Variants in CNOT7 observed in about 807,000 individuals in gnomAD.
The protein encoded by CNOT7 is CCR4-NOT transcription complex subunit 7, also known as BTG1-binding factor 1.
In CNOT7, 4 loss-of-function variants were observed where a neutral mutation model predicts 37.1. The ratio of observed to expected loss-of-function variants is 0.11; its 90% CI spans 0.05 to 0.25. The LOEUF (loss-of-function observed/expected upper bound fraction) is 0.25. Among genes scored for constraint, CNOT7 ranks in the 10% least tolerant of loss-of-function variants. The pLI, the probability that CNOT7 is intolerant of heterozygous loss-of-function variation, is 1.00. For missense variants in CNOT7, 170 were observed against 336.2 expected (o/e 0.51, Z 3.87); for synonymous variants, 128 against 115.6 (o/e 1.11, Z -0.69).
Position 17,234,851 on chromosome 8 carries a change from G to A in CNOT7, c.483C>T (p.Asp161=). 1 of 1,613,666 alleles carries A rather than the reference G, an allele frequency of 6.2e-7. No homozygotes were observed. The highest frequency in any genetic ancestry group is 8.5e-7 in the Non-Finnish European group (1 of 1,179,798). The part of the protein sequence containing the change: ...VKWLSFHSGY[D]FGYLIKILTN... ...TTAGGATTTTGATTAAGTAGCCAAA[G>A]TCGTAACCGCTATAAAAGGGTTAAA... The change falls in exon 5 of 7, where the codon GAC becomes GAT. Residue 161 remains aspartate (D), a synonymous_variant. Coordinates refer to ENST00000361272, the MANE Select transcript of CNOT7 (RefSeq NM_013354.7).
Position 17,243,188 on chromosome 8 carries a change from G to A in CNOT7, c.118-3C>T, listed in dbSNP as rs1297213581. Reference sequence around the variant, plus strand: ...ACCACACCTGGAAACTCGGTGTCCTGTAAAATAGTTTTAAGATTCATTATG... The same window carrying A: ...ACCACACCTGGAAACTCGGTGTCCTATAAAATAGTTTTAAGATTCATTATG... On this transcript the variant is annotated splice_polypyrimidine_tract_variant and splice_region_variant and intron_variant, in intron 2 of 6. Transcript: ENST00000361272. 3.2e-6 allele frequency: 5 copies of A among 1,579,688 alleles called. No homozygotes were observed. The South Asian group carries it at 4.7e-5, about 15-fold the overall frequency.
chr8:17,232,856 A>T (rs1469118285), intron 5 of CNOT7, among the ~76,000 whole-genome samples: 2 of 152,172 alleles, frequency 1.3e-5, no homozygotes, highest in Admixed American at 1.3e-4. Context: ...TATCAAGTAC[A>T]CTCATAGTCT....
At chr8:17,231,551 C>G (rs1482820312) in intron 6 of CNOT7, 1 of 984,954 alleles carries the variant, frequency 1.0e-6, no homozygotes. Flanking sequence ...ATTATCAATA[C>G]ATTGCTACAA....
intron 2 of CNOT7, chr8:17,243,656 T>C (rs1317707765): frequency 2.2e-6 from 1 of 456,472 alleles, no homozygotes. Flanking sequence ...CTAATTTCTC[T>C]GGCTTAAACA....
chr8:17,230,698 A>C lies in CNOT7; in HGVS notation c.*22T>G. On this transcript the variant is annotated 3_prime_UTR_variant, in exon 7 of 7. Coordinates refer to ENST00000361272, the MANE Select transcript of CNOT7 (RefSeq NM_013354.7). ...ACAAGCATGTGTGTAGCTCGAAATA[A>C]AAATAAAAGGACTATTTCATGTCAT... The C allele has an allele frequency of 6.3e-7, 1 of 1,588,194 alleles. No homozygotes were observed. Among genetic ancestry groups the C allele is most frequent in the Non-Finnish European group, 8.5e-7 (1 of 1,170,330 alleles).
At position 17,239,946 on chromosome 8, in the gene CNOT7, C is replaced by T. The variant is rs117279620; in HGVS notation, c.312-2573G>A. 5.0e-4 allele frequency among the ~76,000 whole-genome samples: 76 copies of T among 152,274 alleles called. 1 individual carries two copies. In the East Asian group the frequency reaches 8.5e-3, roughly 17 times the overall value. ...ATTCAGTTTGGAGAGAATTCCCATA[C>T]GTTACAATTGTAATTCTTAGACTTA... On this transcript the variant is annotated intron_variant, in intron 3 of 6. Coordinates refer to ENST00000361272, the MANE Select transcript of CNOT7 (RefSeq NM_013354.7).
chr8:17,230,959 C>T, intron 6 of CNOT7, 111 bp from the exon 7 acceptor site: 1 of 742,330 alleles, frequency 1.3e-6, no homozygotes, highest in Non-Finnish European at 2.2e-6. Flanking sequence ...ATAATGATGG[C>T]TCTTTTCTAT....
chr8:17,242,418 G>C (rs1471934176), intron 3 of CNOT7: 1 of 152,182 alleles, frequency 6.6e-6, no homozygotes. Context: ...TGAAGACCCA[G>C]GGCTTGAGTT....
chr8:17,230,145 C>T lies in CNOT7; in HGVS notation c.*575G>A, dbSNP rs1247139197. 1 of 152,430 alleles carries T rather than the reference C, an allele frequency of 6.6e-6. No homozygotes were observed. The highest frequency in any genetic ancestry group is 1.5e-5 in the Non-Finnish European group (1 of 67,928). The allele number at this position is 152,430 out of a possible 1,614,324, so 9.4% of individuals were successfully genotyped here. ...AGTTTCTTGTCTTTTTTAAGTTTCG[C>T]TGAATCGACAGTTTGCACAACGTGC... On this transcript the variant is annotated 3_prime_UTR_variant, in exon 7 of 7. Coordinates refer to ENST00000361272, the MANE Select transcript of CNOT7 (RefSeq NM_013354.7).
intron 4 of CNOT7, among the ~76,000 whole-genome samples, chr8:17,235,689 C>G (rs1393802187): frequency 1.3e-5 from 2 of 152,166 alleles, no homozygotes; most frequent in African/African-American, 4.8e-5. Flanking sequence ...GCCTATATGA[C>G]ATTTGCTCAC....
At chr8:17,239,534 C>T (rs1809854039) in intron 3 of CNOT7, among the ~76,000 whole-genome samples, 1 of 152,198 alleles carries the variant, frequency 6.6e-6, no homozygotes, top group Non-Finnish European at 1.5e-5. Context: ...CTCACTCTGT[C>T]GCCCAGACTG....
At position 17,230,554 on chromosome 8, in the gene CNOT7, A is replaced by T; in HGVS notation, c.*166T>A. The T allele has an allele frequency of 1.2e-5, 5 of 422,674 alleles. No homozygotes were observed. The highest frequency in any genetic ancestry group is 4.1e-5 in the African/African-American group (2 of 48,252). 26.2% of individuals were successfully genotyped at this position (422,674 alleles called of 1,614,324 possible). On this transcript the variant is annotated 3_prime_UTR_variant, in exon 7 of 7. Transcript: ENST00000361272. ...CGTTTTTTTTTTTCTTTTTATTAAG[A>T]TCTGAGATAGGAACGGTCATACTTA...
intron 5 of CNOT7, among the ~76,000 whole-genome samples, chr8:17,234,120 T>C (rs1443473821): frequency 2.0e-5 from 3 of 152,176 alleles, no homozygotes; most frequent in Non-Finnish European, 4.4e-5. Flanking sequence ...AAAATGTTAC[T>C]ACTATCTAGG....
rs1808370067 is a variant in CNOT7, at chr8:17,229,465, T to C, written c.*1255A>G. Reference sequence around the variant, plus strand: ...TAACTTGTAGTCCATCATTTCGGGGTAGAGTTAATGATTACCGTAAAGTCT... The same window carrying C: ...TAACTTGTAGTCCATCATTTCGGGGCAGAGTTAATGATTACCGTAAAGTCT... On this transcript the variant is annotated 3_prime_UTR_variant, in exon 7 of 7. Coordinates refer to ENST00000361272, the MANE Select transcript of CNOT7 (RefSeq NM_013354.7). The C allele has an allele frequency of 6.6e-6, 1 of 152,134 alleles. No individual in the cohort carries two copies. The highest frequency in any genetic ancestry group is 1.5e-5 in the Non-Finnish European group (1 of 67,774). 9.4% of individuals were successfully genotyped at this position (152,134 alleles called of 1,614,324 possible). A position where few individuals can be genotyped will look rare whatever the true frequency, so the allele number is the denominator to read the frequency against.
chr8:17,231,739 G>A lies in CNOT7; in HGVS notation c.729+688C>T, dbSNP rs1044148536. 7 of 985,230 alleles carry A rather than the reference G, an allele frequency of 7.1e-6. No homozygotes were observed. The East Asian group carries it at 6.8e-4, about 96-fold the overall frequency. The allele number at this position is 985,230 out of a possible 1,614,324, so 61.0% of individuals were successfully genotyped here. On this transcript the variant is annotated intron_variant, in intron 6 of 6. Transcript: ENST00000361272. Reference sequence around the variant, plus strand: ...TCTGTGCACATCACTTAATTACTTAGGAGTAGATAATGGGTTCATTTAGTT... The same window carrying A: ...TCTGTGCACATCACTTAATTACTTAAGAGTAGATAATGGGTTCATTTAGTT...
Position 17,245,349 on chromosome 8 carries a change from T to C in CNOT7, c.-95-102A>G, listed in dbSNP as rs1056785033. 22 of 525,800 alleles carry C rather than the reference T, an allele frequency of 4.2e-5. No individual in the cohort carries two copies. The East Asian group carries it at 5.0e-4, about 12-fold the overall frequency. The allele number at this position is 525,800 out of a possible 1,614,324, so 32.6% of individuals were successfully genotyped here. A position where few individuals can be genotyped will look rare whatever the true frequency, so the allele number is the denominator to read the frequency against. On this transcript the variant is annotated intron_variant, in intron 1 of 6. Coordinates refer to ENST00000361272, the MANE Select transcript of CNOT7 (RefSeq NM_013354.7). ...TAAGAAGTTATTTATTCAAAGTTCT[T>C]GACTCATAAAAAAAAAAAATCAAAG... is the stretch of plus-strand genomic sequence containing the variant.
intron 6 of CNOT7, chr8:17,232,172 C>G (rs1808726507): frequency 1.5e-5 from 19 of 1,233,902 alleles, no homozygotes; most frequent in Admixed American, 3.9e-5. Flanking sequence ...ATGGTTGGAC[C>G]TACATGACTT....
chr8:17,232,659 T>C (rs1563189237), intron 5 of CNOT7, 122 bp from the exon 6 acceptor site: 6 of 772,574 alleles, frequency 7.8e-6, no homozygotes, highest in Non-Finnish European at 1.3e-5. Flanking sequence ...GTGAATCTTA[T>C]AAAGATTGGG....
chr8:17,237,412 A>G, intron 3 of CNOT7, 39 bp from the exon 4 acceptor site: 1 of 1,596,688 alleles, frequency 6.3e-7, no homozygotes, highest in Non-Finnish European at 8.6e-7. Flanking sequence ...CAAACATGCC[A>G]TTACTTCAAA....
Sources: allele counts gnomAD v4.1 joint callset (sites outside exome capture counted in the v4.1 genomes callset), GRCh38; gene constraint gnomAD v4.1.1; transcripts MANE v1.5; gene names NCBI Gene and HGNC (gene_info 2026-07-23, HGNC 2026-07-21).